Variants in MAGI2 observed in about 807,000 individuals in gnomAD.
MAGI2 encodes membrane-associated guanylate kinase, WW and PDZ domain-containing protein 2.
MAGI2 carries 35 observed loss-of-function variants against 133.3 expected under a neutral mutation model. That is an observed-to-expected ratio of 0.26 (90% CI 0.20 to 0.35). The LOEUF is 0.35. MAGI2 is among the 10% of genes least tolerant of loss of function. MAGI2 has a pLI of 1.00. For synonymous variants in MAGI2, 729 were observed against 710.6 expected (o/e 1.03, Z -0.41); for missense variants, 1,636 against 1,863.4 (o/e 0.88, Z 2.25).
chr7:78,151,304 T>A (rs1823847358), intron 16 of MAGI2, among the ~76,000 whole-genome samples: 1 of 152,136 alleles, frequency 6.6e-6, no homozygotes, highest in Non-Finnish European at 1.5e-5. Context: ...GCTTTGTTAA[T>A]GAGAATTGTA....
chr7:79,176,883 G>A (rs1021547045), intron 1 of MAGI2: 4 of 55,224 alleles, frequency 7.2e-5, no homozygotes, highest in Non-Finnish European at 2.4e-4. Flanking sequence ...CTAAATAGTT[G>A]ATCTGATCCA....
chr7:78,969,712 A>T (rs1183134306), intron 2 of MAGI2, among the ~76,000 whole-genome samples: 1 of 152,082 alleles, frequency 6.6e-6, no homozygotes. Flanking sequence ...GTTCTCATTT[A>T]ACACGTTAAA....
intron 2 of MAGI2, among the ~76,000 whole-genome samples, chr7:78,886,027 A>G (rs1180554375): frequency 6.6e-6 from 1 of 152,188 alleles, no homozygotes; most frequent in Non-Finnish European, 1.5e-5. Context: ...ATTGCCTAAA[A>G]TCTCACAAGG....
intron 10 of MAGI2, among the ~76,000 whole-genome samples, chr7:78,215,182 T>C (rs957052977): frequency 6.6e-6 from 1 of 152,160 alleles, no homozygotes; most frequent in Non-Finnish European, 1.5e-5. Context: ...GAAACGTTAA[T>C]GAATAGATTA....
At position 78,019,772 on chromosome 7, in the gene MAGI2, C is replaced by T. The variant is rs145648453; in HGVS notation, c.3911G>A (p.Gly1304Asp). 5,204 of 1,612,792 alleles carry T rather than the reference C, an allele frequency of 3.2e-3. 19 individuals carry two copies. Among genetic ancestry groups the T allele is most frequent in the Non-Finnish European group, 4.1e-3 (4,861 of 1,179,780 alleles). ...VRKPKELSAC[G>D]QKKQRLGEQR... is the part of the protein sequence containing the mutation. ...CTCCCCGAGGCGCTGCTTCTTCTGG[C>T]CGCAGGCTGAAAGCTCCTTTGGTTT... is the stretch of plus-strand genomic sequence containing the variant. The change falls in exon 22 of 22, where the codon GGC (glycine) becomes GAC (aspartate). Residue 1304 changes from glycine (G) to aspartate (D), a missense_variant. Gly to Asp is a moderately conservative substitution (Grantham distance 94). Transcript: ENST00000354212.
chr7:78,597,307 C>A (rs959078103), intron 3 of MAGI2, among the ~76,000 whole-genome samples: 18 of 150,100 alleles, frequency 1.2e-4, no homozygotes, highest in African/African-American at 4.2e-4. Context: ...ACGTATACTT[C>A]TCAGCATACT....
chr7:78,815,667 G>A (rs1032268193), intron 2 of MAGI2, among the ~76,000 whole-genome samples: 2 of 152,052 alleles, frequency 1.3e-5, no homozygotes, highest in African/African-American at 2.4e-5. Context: ...TATTTGTCAC[G>A]GTGATCTGTG....
At chr7:78,804,377 T>G (rs1030508324) in intron 2 of MAGI2, among the ~76,000 whole-genome samples, 5 of 152,014 alleles carry the variant, frequency 3.3e-5, no homozygotes, top group African/African-American at 1.2e-4. Flanking sequence ...CGGAGAATTA[T>G]TTCTAACTGT....
At chr7:78,788,870 A>G (rs1353175187) in intron 2 of MAGI2, among the ~76,000 whole-genome samples, 1 of 152,156 alleles carries the variant, frequency 6.6e-6, no homozygotes, top group Non-Finnish European at 1.5e-5. Flanking sequence ...CAGCTGACAT[A>G]AAGTACAACT....
chr7:78,318,918 A>G (rs1787704753), intron 9 of MAGI2, among the ~76,000 whole-genome samples: 1 of 152,214 alleles, frequency 6.6e-6, no homozygotes, highest in Non-Finnish European at 1.5e-5. Context: ...GCAAATGGTG[A>G]CAGATTTTGT....
chr7:78,776,446 C>A (rs940441982), intron 2 of MAGI2, among the ~76,000 whole-genome samples: 1 of 152,200 alleles, frequency 6.6e-6, no homozygotes, highest in Non-Finnish European at 1.5e-5. Context: ...CTCCTTTTGG[C>A]AGGCAGAAAG....
chr7:78,573,265 T>TATATATATATATATAA (rs1563188599), intron 3 of MAGI2, among the ~76,000 whole-genome samples: 4 of 21,392 alleles, frequency 1.9e-4, no homozygotes, highest in Admixed American at 1.3e-3. Flanking sequence ...TAAATATAAA[T>TATATATATATATATAA]ATATATAAAT....
chr7:78,032,124 A>G (rs1296704708), intron 21 of MAGI2, among the ~76,000 whole-genome samples: 2 of 150,994 alleles, frequency 1.3e-5, no homozygotes, highest in Non-Finnish European at 2.9e-5. Context: ...TTCAGCAAGG[A>G]TATCCTTGCT....
intron 3 of MAGI2, among the ~76,000 whole-genome samples, chr7:78,552,340 C>T (rs1049228857): frequency 7.9e-5 from 12 of 151,942 alleles, no homozygotes; most frequent in Admixed American, 1.3e-4. Context: ...TGCATCACCA[C>T]GCCTACCTAA....
At chr7:78,645,740 T>A in intron 2 of MAGI2, among the ~76,000 whole-genome samples, 1 of 151,304 alleles carries the variant, frequency 6.6e-6, no homozygotes, top group East Asian at 1.9e-4. Context: ...AGCAAAACTT[T>A]TTTTTTTTTT....
chr7:78,333,107 T>A (rs773772071), intron 9 of MAGI2, among the ~76,000 whole-genome samples: 2 of 152,256 alleles, frequency 1.3e-5, no homozygotes, highest in African/African-American at 2.4e-5. Flanking sequence ...AACCTTTTTT[T>A]AAAAATTGAA....
chr7:78,072,426 A>G (rs899295813), intron 21 of MAGI2: 2 of 152,430 alleles, frequency 1.3e-5, no homozygotes, highest in African/African-American at 4.8e-5. Context: ...CTCACTGAGG[A>G]CCAGGACTAC....
chr7:78,895,162 T>C (rs970327857), intron 2 of MAGI2, among the ~76,000 whole-genome samples: 3 of 152,144 alleles, frequency 2.0e-5, no homozygotes, highest in Non-Finnish European at 2.9e-5. Context: ...TTAGTTATTA[T>C]GAGAGTTGGA....
chr7:78,774,514 C>G (rs1405242913), intron 2 of MAGI2, among the ~76,000 whole-genome samples: 2 of 152,154 alleles, frequency 1.3e-5, no homozygotes, highest in South Asian at 2.1e-4. Flanking sequence ...TATCCTGAAC[C>G]AGCTTTCTTT....
Sources: gnomAD v4.1 joint callset for allele counts (sites outside exome capture counted in the v4.1 genomes callset) on GRCh38, gnomAD v4.1.1 for gene constraint, MANE v1.5 for transcripts, NCBI Gene and HGNC (gene_info 2026-07-23, HGNC 2026-07-21) for gene names.